Variants in CAMK1D observed in about 807,000 individuals in gnomAD.
CAMK1D encodes the protein calcium/calmodulin dependent protein kinase ID.
Under a neutral mutation model 47.7 loss-of-function variants are expected in CAMK1D, and 9 were observed. The ratio of observed to expected loss-of-function variants is 0.19; its 90% CI spans 0.11 to 0.33. The LOEUF (loss-of-function observed/expected upper bound fraction) is 0.33. CAMK1D is among the 10% of genes least tolerant of loss of function. CAMK1D has a pLI of 1.00. For missense variants in CAMK1D, 291 were observed against 488.7 expected (o/e 0.60, Z 3.81); for synonymous variants, 184 against 184.9 (o/e 0.99, Z 0.04).
rs79175279 is a variant in CAMK1D, at chr10:12,587,391, T to C, written c.224+34035T>C. Among the ~76,000 whole-genome samples the C allele has an allele frequency of 1.4e-3, 219 of 152,220 alleles. 1 individual carries two copies. The East Asian group carries it at 0.038, about 27-fold the overall frequency. On this transcript the variant is annotated intron_variant, in intron 2 of 10. Coordinates refer to ENST00000619168, the MANE Select transcript of CAMK1D (RefSeq NM_153498.4). ...GCTAAAAACGCATTGACTTCTTAGT[T>C]GTCTCCATTTGTTCTGGGTTAGGTG... is the stretch of plus-strand genomic sequence containing the variant.
At chr10:12,671,580 A>T (rs1840617676) in intron 3 of CAMK1D, among the ~76,000 whole-genome samples, 1 of 151,868 alleles carries the variant, frequency 6.6e-6, no homozygotes, top group Non-Finnish European at 1.5e-5. Context: ...CATGTTAGCC[A>T]CTTACATATC....
intron 1 of CAMK1D, among the ~76,000 whole-genome samples, chr10:12,528,736 C>CTTTTTTTTTTTTTTTT (rs34250007): frequency 2.2e-5 from 3 of 137,910 alleles, no homozygotes; most frequent in Non-Finnish European, 4.6e-5. Flanking sequence ...AAATCCTCAT[C>CTTTTTTTTTTTTTTTT]TTTTTTTTTT....
intron 3 of CAMK1D, among the ~76,000 whole-genome samples, chr10:12,676,433 A>G (rs1840812068): frequency 6.6e-6 from 1 of 152,194 alleles, no homozygotes; most frequent in South Asian, 2.1e-4. Context: ...TTCTCTCTGT[A>G]GCACTTGTCA....
At chr10:12,794,866 C>G (rs1030322189) in intron 6 of CAMK1D, among the ~76,000 whole-genome samples, 1 of 152,158 alleles carries the variant, frequency 6.6e-6, no homozygotes, top group Non-Finnish European at 1.5e-5. Context: ...ACTTGGAGTA[C>G]CACCAGCCTC....
chr10:12,762,725 T>G (rs140592840), intron 4 of CAMK1D, among the ~76,000 whole-genome samples: 42 of 152,278 alleles, frequency 2.8e-4, no homozygotes, highest in African/African-American at 9.9e-4. Context: ...TCTGCAGGCT[T>G]CTTGACATCT....
chr10:12,612,398 G>A (rs553812482), intron 2 of CAMK1D, among the ~76,000 whole-genome samples: 1 of 145,222 alleles, frequency 6.9e-6, no homozygotes, highest in African/African-American at 2.6e-5. Flanking sequence ...CTGGAGTGCA[G>A]TGGCACGATC....
rs574823106 is a variant in CAMK1D at position 12,730,776 on chromosome 10, C to T, written c.300-30172C>T. 7.9e-5 allele frequency among the ~76,000 whole-genome samples: 12 copies of T among 152,234 alleles called. No individual in the cohort carries two copies. In the South Asian group the frequency reaches 2.3e-3, roughly 29 times the overall value. On this transcript the variant is annotated intron_variant, in intron 3 of 10. Coordinates refer to ENST00000619168, the MANE Select transcript of CAMK1D (RefSeq NM_153498.4). ...GGAAGGAGTGGTCTCCAGGGTCCAG[C>T]CCCACTGGTAGCTCAAGTAGGATGA...
intron 1 of CAMK1D, among the ~76,000 whole-genome samples, chr10:12,401,485 G>A (rs1169552446): frequency 6.7e-6 from 1 of 150,308 alleles, no homozygotes; most frequent in African/African-American, 2.5e-5. Flanking sequence ...TCTTGGGCCT[G>A]TGTTAGGTGC....
At chr10:12,821,525 A>G (rs1757053) in intron 8 of CAMK1D, among the ~76,000 whole-genome samples, 101,116 of 151,652 alleles carry the variant, frequency 0.67, 34,311 homozygotes, top group East Asian at 0.82. Context: ...AAAAGCGCAG[A>G]CTCAGAGCCA....
intron 2 of CAMK1D, among the ~76,000 whole-genome samples, chr10:12,623,003 C>T (rs1435806022): frequency 1.3e-5 from 2 of 150,696 alleles, no homozygotes; most frequent in South Asian, 2.1e-4. Flanking sequence ...TCGTCCGTCC[C>T]GTCATCTCAT....
In CAMK1D at chr10:12,566,096, G is replaced by A. The variant is rs145708940; in HGVS notation, c.224+12740G>A. On this transcript the variant is annotated intron_variant, in intron 2 of 10. Coordinates refer to ENST00000619168, the MANE Select transcript of CAMK1D (RefSeq NM_153498.4). ...CTCAGCCCCCATTTTCAGGATAATG[G>A]GGATGATAATAGTATCTGCCTCCAA... 3.0e-3 allele frequency among the ~76,000 whole-genome samples: 461 copies of A among 152,200 alleles called. 1 individual carries two copies. Among genetic ancestry groups the A allele is most frequent in the Admixed American group, 4.2e-3 (64 of 15,290 alleles).
chr10:12,394,296 C>A (rs955754459), intron 1 of CAMK1D, among the ~76,000 whole-genome samples: 1 of 152,124 alleles, frequency 6.6e-6, no homozygotes, highest in Non-Finnish European at 1.5e-5. Context: ...CAGGTGTTCA[C>A]CAACCAGAAA....
intron 1 of CAMK1D, among the ~76,000 whole-genome samples, chr10:12,369,593 G>C (rs906455125): frequency 2.6e-5 from 4 of 152,158 alleles, no homozygotes; most frequent in African/African-American, 9.7e-5. Context: ...TATATAATGA[G>C]TTGCTATGTG....
chr10:12,533,527 C>G (rs1048330466), intron 1 of CAMK1D, among the ~76,000 whole-genome samples: 26 of 152,090 alleles, frequency 1.7e-4, no homozygotes, highest in African/African-American at 6.0e-4. Context: ...ACTATTTCTG[C>G]TTTACGGAAA....
intron 2 of CAMK1D, among the ~76,000 whole-genome samples, chr10:12,612,023 G>A (rs1030717572): frequency 2.2e-4 from 34 of 152,192 alleles, no homozygotes; most frequent in African/African-American, 7.2e-4. Context: ...TGCTGGACAC[G>A]GTAGATAAAC....
chr10:12,750,815 C>G (rs184482904), intron 3 of CAMK1D, among the ~76,000 whole-genome samples: 164 of 152,288 alleles, frequency 1.1e-3, no homozygotes, highest in African/African-American at 3.8e-3. Context: ...CTTTGGGAGT[C>G]TGAGGTGGGC....
At chr10:12,523,408 G>A (rs1360990150) in intron 1 of CAMK1D, among the ~76,000 whole-genome samples, 2 of 152,200 alleles carry the variant, frequency 1.3e-5, no homozygotes, top group African/African-American at 4.8e-5. Context: ...GGGAGGTGGA[G>A]GTTGTAGCCA....
intron 1 of CAMK1D, 77 bp downstream of exon 1, chr10:12,349,987 GC>G: frequency 1.4e-6 from 1 of 701,418 alleles, no homozygotes; most frequent in Non-Finnish European, 2.2e-6. Context: ...TGCCGCCGCC[GC>G]CACTACCGCG....
chr10:12,484,264 C>T (rs1167309760), intron 1 of CAMK1D, among the ~76,000 whole-genome samples: 1 of 152,238 alleles, frequency 6.6e-6, no homozygotes, highest in African/African-American at 2.4e-5. Context: ...CCGGCCCCGC[C>T]TGCTCTGCGG....
Sources: gnomAD v4.1 joint callset for allele counts (sites outside exome capture counted in the v4.1 genomes callset) on GRCh38, gnomAD v4.1.1 for gene constraint, MANE v1.5 for transcripts, NCBI Gene and HGNC (gene_info 2026-07-23, HGNC 2026-07-21) for gene names.